HCN1: variants seen among roughly 807,000 people sequenced by gnomAD.
HCN1 encodes hyperpolarization activated cyclic nucleotide gated potassium channel 1.
Under a neutral mutation model 78.9 loss-of-function variants are expected in HCN1, and 13 were observed. That is an observed-to-expected ratio of 0.16 (90% CI 0.11 to 0.26). HCN1 has a LOEUF of 0.26. Ranked by LOEUF, HCN1 falls within the 10% of genes least tolerant of loss-of-function variation. The probability of loss-of-function intolerance (pLI) is 1.00; values close to 1 mark genes in which losing one functional copy is unlikely to be tolerated. For synonymous variants in HCN1, 552 were observed against 455.5 expected (o/e 1.21, Z -2.70); for missense variants, 810 against 1,154.3 (o/e 0.70, Z 4.32).
At chr5:45,293,920 A>C (rs1745432171) in intron 6 of HCN1, among the ~76,000 whole-genome samples, 1 of 151,968 alleles carries the variant, frequency 6.6e-6, no homozygotes, top group South Asian at 2.1e-4. Flanking sequence ...AAATTACTTC[A>C]TTTACCCTCA....
intron 6 of HCN1, among the ~76,000 whole-genome samples, chr5:45,276,726 C>T (rs562067811): frequency 1.3e-5 from 2 of 152,080 alleles, no homozygotes; most frequent in African/African-American, 4.8e-5. Flanking sequence ...AATTCCAAGG[C>T]TAAATAACCT....
intron 5 of HCN1, among the ~76,000 whole-genome samples, chr5:45,311,252 A>G (rs1745846840): frequency 6.6e-6 from 1 of 152,200 alleles, no homozygotes; most frequent in Non-Finnish European, 1.5e-5. Context: ...GGGAGAAACA[A>G]AAATGTTGTT....
intron 5 of HCN1, among the ~76,000 whole-genome samples, chr5:45,316,399 T>G (rs935881662): frequency 7.2e-5 from 11 of 152,152 alleles, no homozygotes; most frequent in African/African-American, 2.7e-4. Flanking sequence ...AATTAAGTAC[T>G]GATGGGACGT....
intron 2 of HCN1, among the ~76,000 whole-genome samples, chr5:45,578,220 C>G (rs1033482041): frequency 2.0e-5 from 3 of 151,886 alleles, no homozygotes; most frequent in African/African-American, 7.3e-5. Flanking sequence ...GGAAGGCCAA[C>G]TTAGTAAGAC....
chr5:45,424,684 ATTTTTGCTG>A (rs200471869), intron 3 of HCN1, among the ~76,000 whole-genome samples: 2,068 of 152,258 alleles, frequency 0.014, 27 homozygotes, highest in Middle Eastern at 0.061. Flanking sequence ...TATTATATAT[ATTTTTGCTG>A]TTTATTACTG....
intron 2 of HCN1, among the ~76,000 whole-genome samples, chr5:45,518,826 T>G (rs914170086): frequency 6.6e-6 from 1 of 151,844 alleles, no homozygotes; most frequent in Non-Finnish European, 1.5e-5. Flanking sequence ...CCTGAAGAAA[T>G]TAGAAAACTC....
At chr5:45,608,774 G>A (rs908543260) in intron 2 of HCN1, among the ~76,000 whole-genome samples, 1 of 151,728 alleles carries the variant, frequency 6.6e-6, no homozygotes, top group African/African-American at 2.4e-5. Context: ...TTAATAAACT[G>A]ACTACTATCA....
At chr5:45,520,522 TATA>T (rs1283477653) in intron 2 of HCN1, among the ~76,000 whole-genome samples, 1 of 152,038 alleles carries the variant, frequency 6.6e-6, no homozygotes. Context: ...CATTGCAAAT[TATA>T]ATATTTCATG....
At chr5:45,521,745 G>T (rs575646578) in intron 2 of HCN1, among the ~76,000 whole-genome samples, 2 of 151,966 alleles carry the variant, frequency 1.3e-5, no homozygotes, top group East Asian at 3.9e-4. Context: ...ACCCATAACA[G>T]CAAGGAGTTC....
chr5:45,692,030 G>T (rs565866591), intron 1 of HCN1, among the ~76,000 whole-genome samples: 7 of 152,162 alleles, frequency 4.6e-5, no homozygotes, highest in Admixed American at 1.3e-4. Flanking sequence ...CAAGATGTTG[G>T]CTGGCAATAC....
At chr5:45,450,138 A>T (rs1740888839) in intron 3 of HCN1, among the ~76,000 whole-genome samples, 1 of 152,180 alleles carries the variant, frequency 6.6e-6, no homozygotes, top group Admixed American at 6.5e-5. Context: ...GCCGAACATA[A>T]GTTTTATTTG....
intron 2 of HCN1, among the ~76,000 whole-genome samples, chr5:45,561,571 C>A (rs1743603357): frequency 6.7e-6 from 1 of 149,830 alleles, no homozygotes; most frequent in Non-Finnish European, 1.5e-5. Flanking sequence ...ATTTGACTGG[C>A]CTTTGTCCCT....
At chr5:45,627,300 C>T (rs2112005555) in intron 2 of HCN1, among the ~76,000 whole-genome samples, 1 of 152,210 alleles carries the variant, frequency 6.6e-6, no homozygotes, top group South Asian at 2.1e-4. Flanking sequence ...AGGAATGTTG[C>T]CTCTTACTAA....
At chr5:45,498,620 G>T (rs1335548090) in intron 2 of HCN1, among the ~76,000 whole-genome samples, 1 of 152,322 alleles carries the variant, frequency 6.6e-6, no homozygotes, top group African/African-American at 2.4e-5. Context: ...TCCTTCCGTT[G>T]CTGGTGAGGA....
intron 2 of HCN1, among the ~76,000 whole-genome samples, chr5:45,627,575 A>G (rs539322917): frequency 2.6e-5 from 4 of 152,320 alleles, no homozygotes; most frequent in African/African-American, 9.6e-5. Flanking sequence ...CTGAAATAAC[A>G]GTAGATGGCA....
chr5:45,503,440 T>C (rs1742230731), intron 2 of HCN1, among the ~76,000 whole-genome samples: 1 of 152,098 alleles, frequency 6.6e-6, no homozygotes, highest in Non-Finnish European at 1.5e-5. Context: ...TTGCTTTTAG[T>C]TCTAGATTTA....
At chr5:45,264,350 G>C (rs1473486129) in intron 7 of HCN1, among the ~76,000 whole-genome samples, 1 of 152,154 alleles carries the variant, frequency 6.6e-6, no homozygotes, top group Non-Finnish European at 1.5e-5. Flanking sequence ...ATAGTGGATT[G>C]GTGAAAGAAG....
At chr5:45,636,760 A>G (rs2112019552) in intron 2 of HCN1, among the ~76,000 whole-genome samples, 1 of 152,194 alleles carries the variant, frequency 6.6e-6, no homozygotes, top group East Asian at 1.9e-4. Context: ...AGATCCCTTG[A>G]GCTTAGGAGT....
chr5:45,261,494 T>C lies in HCN1; in HGVS notation c.*427A>G, dbSNP rs1744734340. ...AATTTAGATGCAGAGACACAGCTAATGAAAGAAAGTTTTGATTGGTGCTAT... is the reference window on the plus strand; with the variant it reads ...AATTTAGATGCAGAGACACAGCTAACGAAAGAAAGTTTTGATTGGTGCTAT... On this transcript the variant is annotated 3_prime_UTR_variant, in exon 8 of 8. Transcript: ENST00000303230. The C allele has an allele frequency of 6.4e-6, 1 of 155,494 alleles. No individual in the cohort carries two copies. The highest frequency in any genetic ancestry group is 1.4e-5 in the Non-Finnish European group (1 of 70,032). 9.6% of individuals were successfully genotyped at this position (155,494 alleles called of 1,614,324 possible).
Sources: allele counts gnomAD v4.1 joint callset (sites outside exome capture counted in the v4.1 genomes callset), GRCh38; gene constraint gnomAD v4.1.1; transcripts MANE v1.5; gene names NCBI Gene and HGNC (gene_info 2026-07-23, HGNC 2026-07-21).